The following SLCO2B1 variants were observed in gnomAD, a reference collection of about 807,000 sequenced individuals.
SLCO2B1 encodes the protein solute carrier organic anion transporter family member 2B1, also known as OATP-RP2.
SLCO2B1 carries 41 observed loss-of-function variants against 67.3 expected under a neutral mutation model. That is an observed-to-expected ratio of 0.61 (90% CI 0.47 to 0.79). The LOEUF is 0.79. Among genes scored for constraint, SLCO2B1 ranks in the 30% least tolerant of loss-of-function variants. SLCO2B1 has a pLI of 0.00. For missense variants in SLCO2B1, 837 were observed against 920.1 expected (o/e 0.91, Z 1.17); for synonymous variants, 379 against 381.4 (o/e 0.99, Z 0.07).
intron 1 of SLCO2B1, chr11:75,159,894 AC>A: frequency 1.0e-6 from 1 of 985,078 alleles, no homozygotes; most frequent in Non-Finnish European, 1.2e-6. Flanking sequence ...GTGGGAGATC[AC>A]CTGAGGCAGG....
chr11:75,178,233 T>C (rs996614697), intron 7 of SLCO2B1, among the ~76,000 whole-genome samples: 4 of 152,174 alleles, frequency 2.6e-5, no homozygotes, highest in Admixed American at 2.0e-4. Flanking sequence ...CCAGCCAGGC[T>C]CTGCTACTTA....
intron 11 of SLCO2B1, chr11:75,201,797 T>G (rs969896434): frequency 2.0e-5 from 3 of 152,214 alleles, no homozygotes; most frequent in South Asian, 4.1e-4. Flanking sequence ...GGGACCTCCA[T>G]GTGTTCAGCT....
chr11:75,181,379 A>AG, intron 7 of SLCO2B1, among the ~76,000 whole-genome samples: 1 of 151,198 alleles, frequency 6.6e-6, no homozygotes, highest in Non-Finnish European at 1.5e-5. Flanking sequence ...CCTCAAAAAA[A>AG]AAAAAAAAAG....
intron 7 of SLCO2B1, among the ~76,000 whole-genome samples, chr11:75,184,755 T>C (rs1950129711): frequency 6.6e-6 from 1 of 152,180 alleles, no homozygotes; most frequent in South Asian, 2.1e-4. Context: ...TCGCTGCTCA[T>C]GGAACCCACA....
At chr11:75,156,866 G>T (rs566865759) in intron 1 of SLCO2B1, among the ~76,000 whole-genome samples, 44 of 152,234 alleles carry the variant, frequency 2.9e-4, no homozygotes, top group African/African-American at 4.1e-4. Flanking sequence ...AACTGTCATG[G>T]TGCTGGTGGG....
At chr11:75,176,431 A>T (rs540376377) in intron 7 of SLCO2B1, among the ~76,000 whole-genome samples, 1 of 152,246 alleles carries the variant, frequency 6.6e-6, no homozygotes, top group East Asian at 1.9e-4. Context: ...TTTGTCTGTT[A>T]TTTCTGGAAT....
intron 4 of SLCO2B1, 49 bp downstream of exon 4, chr11:75,165,998 G>C: frequency 6.3e-7 from 1 of 1,576,882 alleles, no homozygotes. Context: ...CCTCTGCATT[G>C]CTTTGCGCTG....
At position 75,163,958 on chromosome 11, in the gene SLCO2B1, C is replaced by A. The variant is rs374178603; in HGVS notation, c.148-5C>A. On this transcript the variant is annotated splice_region_variant and splice_polypyrimidine_tract_variant and intron_variant, in intron 2 of 13. Coordinates refer to ENST00000289575, the MANE Select transcript of SLCO2B1 (RefSeq NM_007256.5). ...ACCTCTGCCTGCCTCCGGGTCCCCC[C>A]ACAGCTGTTCGTTCTGTGCCACAGC... 2.9e-5 allele frequency: 46 copies of A among 1,595,474 alleles called. 2 individuals are homozygous for A. The African/African-American group carries it at 3.2e-4, about 11-fold the overall frequency.
At chr11:75,162,597 G>T (rs1033501557) in intron 1 of SLCO2B1, 58 bp from the exon 2 acceptor site, 2 of 1,575,490 alleles carry the variant, frequency 1.3e-6, no homozygotes, top group African/African-American at 1.4e-5. Flanking sequence ...ATCTAATCAG[G>T]TCAGGGCCAT....
chr11:75,155,862 A>G (rs1949740615), intron 1 of SLCO2B1, among the ~76,000 whole-genome samples: 1 of 152,148 alleles, frequency 6.6e-6, no homozygotes, highest in African/African-American at 2.4e-5. Context: ...AAAGAACATG[A>G]TGAATTTGGG....
rs578142789 is a variant in SLCO2B1, at chr11:75,173,471, C to T, written c.972+902C>T. On this transcript the variant is annotated intron_variant, in intron 7 of 13. Transcript: ENST00000289575. ...GGATCTGAAGATCAGTCCGTGGCCT[C>T]CACCCTTCCAGCGGGCACAGTCTAG... 9.2e-5 allele frequency among the ~76,000 whole-genome samples: 14 copies of T among 152,336 alleles called. No homozygotes were observed. In the East Asian group the frequency reaches 2.7e-3, roughly 29 times the overall value.
chr11:75,188,291 G>A (rs2140332414), intron 8 of SLCO2B1, 53 bp downstream of exon 8: 6 of 1,167,712 alleles, frequency 5.1e-6, no homozygotes, highest in South Asian at 2.5e-5. Context: ...GGGTCTTCGA[G>A]ATTGTCAGGA....
intron 10 of SLCO2B1, chr11:75,199,936 A>C: frequency 8.5e-5 from 35 of 411,066 alleles, no homozygotes; most frequent in East Asian, 2.3e-4. Flanking sequence ...ATGTGGGGGA[A>C]TGATGCTCTC....
rs1480398374 is a variant in SLCO2B1 at position 75,193,890 on chromosome 11, T to G, written c.1433+315T>G. 1.3e-5 allele frequency among the ~76,000 whole-genome samples: 2 copies of G among 152,134 alleles called. No homozygotes were observed. Among genetic ancestry groups the G allele is most frequent in the East Asian group, 3.9e-4 (2 of 5,182 alleles). On this transcript the variant is annotated intron_variant, in intron 9 of 13. Coordinates refer to ENST00000289575, the MANE Select transcript of SLCO2B1 (RefSeq NM_007256.5). This position sits in a 1 kb window ranked among gnomAD's most constrained non-coding sequence, Gnocchi z 4.2. ...GCATGTCCAGGGTGACCAAGCCCTG[T>G]GGGCCCAACAGAGATGAGCCAGAGG...
chr11:75,164,528 T>C (rs181228501), intron 3 of SLCO2B1, among the ~76,000 whole-genome samples: 1 of 152,128 alleles, frequency 6.6e-6, no homozygotes, highest in East Asian at 1.9e-4. Flanking sequence ...GCGCAGGGTG[T>C]CTGTCCTTAG....
At chr11:75,188,901 G>A (rs567071396) in intron 8 of SLCO2B1, among the ~76,000 whole-genome samples, 79 of 152,212 alleles carry the variant, frequency 5.2e-4, no homozygotes, top group Non-Finnish European at 9.6e-4. Flanking sequence ...GCCTGTGCTG[G>A]CTCATCTATG....
intron 7 of SLCO2B1, among the ~76,000 whole-genome samples, chr11:75,173,243 G>A (rs547606916): frequency 6.6e-6 from 1 of 152,306 alleles, no homozygotes; most frequent in South Asian, 2.1e-4. Flanking sequence ...TGGGAGGGTG[G>A]GTAGGATCAT....
At chr11:75,173,109 C>A (rs1345399224) in intron 7 of SLCO2B1, among the ~76,000 whole-genome samples, 1 of 152,202 alleles carries the variant, frequency 6.6e-6, no homozygotes, top group African/African-American at 2.4e-5. Flanking sequence ...AGCAAGGCAG[C>A]ACTGGGATGA....
chr11:75,177,439 G>C (rs1209240357), intron 7 of SLCO2B1, among the ~76,000 whole-genome samples: 1 of 152,166 alleles, frequency 6.6e-6, no homozygotes, highest in Non-Finnish European at 1.5e-5. Context: ...CAGGGACAGG[G>C]CTAGACATGG....
Sources: allele counts gnomAD v4.1 joint callset (sites outside exome capture counted in the v4.1 genomes callset), GRCh38; gene constraint gnomAD v4.1.1; non-coding constraint Gnocchi (gnomAD v3.1); transcripts MANE v1.5; gene names NCBI Gene and HGNC (gene_info 2026-07-23, HGNC 2026-07-21).